GPX6: variants seen among roughly 807,000 people sequenced by gnomAD.
GPX6 encodes glutathione peroxidase 6 (olfactory).
A neutral mutation model predicts 20.0 loss-of-function variants in GPX6; 21 were observed. The observed-to-expected ratio is 1.05, with a 90% CI of 0.74 to 1.51. GPX6 has a LOEUF of 1.51. GPX6 is among the 40% of genes most tolerant of loss of function. GPX6 has a pLI of 0.00. For synonymous variants in GPX6, 75 were observed against 98.0 expected (o/e 0.77, Z 1.38); for missense variants, 233 against 254.7 (o/e 0.91, Z 0.58).
chr6:28,504,433 C>T lies in GPX6; in HGVS notation c.525G>A (p.Lys175=), dbSNP rs1393541958. The T allele has an allele frequency of 1.2e-6, 2 of 1,614,156 alleles. No individual in the cohort carries two copies. The highest frequency in any genetic ancestry group is 1.7e-6 in the Non-Finnish European group (2 of 1,180,046). The stretch of plus-strand genomic sequence containing the variant: ...CAAAGTTCCAGCGGATATCATGGAC[C>T]TTCATGGGCTCCCAGAAGAGTTGGC... ...SSSQLFWEPM[K]VHDIRWNFEK... is the part of the protein sequence containing the mutation. The change falls in exon 5 of 5, where the codon AAG becomes AAA. Residue 175 remains lysine (K), a synonymous_variant. Coordinates refer to ENST00000361902, the MANE Select transcript of GPX6 (RefSeq NM_182701.1).
chr6:28,513,427 G>A (rs576876600), intron 1 of GPX6, among the ~76,000 whole-genome samples: 6 of 152,210 alleles, frequency 3.9e-5, no homozygotes, highest in South Asian at 4.1e-4. Context: ...CTCTGCTCCC[G>A]TACAGGTTTG....
intron 2 of GPX6, among the ~76,000 whole-genome samples, chr6:28,508,072 G>A (rs567343421): frequency 6.5e-4 from 99 of 152,284 alleles, no homozygotes; most frequent in African/African-American, 2.3e-3. Context: ...CTAAAGAGAA[G>A]GGAACATGGC....
chr6:28,504,566 C>T, intron 4 of GPX6, 68 bp from the exon 5 acceptor site: 1 of 1,369,728 alleles, frequency 7.3e-7, no homozygotes, highest in Non-Finnish European at 1.0e-6. Flanking sequence ...CTGTGTGGTA[C>T]AGTTTTATCT....
In GPX6 at chr6:28,510,756, T is replaced by C; in HGVS notation, c.236A>G (p.Tyr79Cys). The C allele has an allele frequency of 6.2e-7, 1 of 1,613,398 alleles. No homozygotes were observed. The change falls in exon 2 of 5, where the codon TAT (tyrosine) becomes TGT (cysteine). Residue 79 changes from tyrosine (Y) to cysteine (C), a missense_variant. By Grantham distance (194) the Tyr-to-Cys change is radical. Transcript: ENST00000361902. Reference sequence around the variant, plus strand: ...GTTGAAACGTGAGTTCTTACCAGGATACTGAGCTGCCAAGCCTCAATAGGC... The same window carrying C: ...GTTGAAACGTGAGTTCTTACCAGGACACTGAGCTGCCAAGCCTCAATAGGC... Reference protein sequence around the residue: ...VAAYUGLAAQYPELNALQEEL... With the variant: ...VAAYUGLAAQCPELNALQEEL...
intron 1 of GPX6, among the ~76,000 whole-genome samples, chr6:28,512,836 C>T (rs1301238126): frequency 2.6e-5 from 4 of 151,536 alleles, no homozygotes; most frequent in African/African-American, 4.9e-5. Flanking sequence ...GCCTTAAGAG[C>T]TGTAACACTG....
chr6:28,506,439 G>C lies in GPX6; in HGVS notation c.242-10C>G, dbSNP rs1268403202. ...TGTAGTGCATTCAGTTCTGTAAGTGGACAATGAATAGCAGGGGTGGGCTGG... is the reference window on the plus strand; with the variant it reads ...TGTAGTGCATTCAGTTCTGTAAGTGCACAATGAATAGCAGGGGTGGGCTGG... On this transcript the variant is annotated splice_polypyrimidine_tract_variant and intron_variant, in intron 2 of 4. Coordinates refer to ENST00000361902, the MANE Select transcript of GPX6 (RefSeq NM_182701.1). 6.6e-7 allele frequency: 1 copy of C among 1,526,358 alleles called. No individual in the cohort carries two copies. Among genetic ancestry groups the C allele is most frequent in the East Asian group, 2.2e-5 (1 of 44,522 alleles). The allele number at this position is 1,526,358 out of a possible 1,614,324, so 94.6% of individuals were successfully genotyped here. A position where few individuals can be genotyped will look rare whatever the true frequency, so the allele number is the denominator to read the frequency against.
intron 1 of GPX6, among the ~76,000 whole-genome samples, chr6:28,513,412 T>TCC (rs1562002715): frequency 6.6e-6 from 1 of 151,748 alleles, no homozygotes; most frequent in Non-Finnish European, 1.5e-5. Flanking sequence ...GTTTGTATGC[T>TCC]CCCCCTCTGC....
At position 28,504,261 on chromosome 6, in the gene GPX6, G is replaced by A. The variant is rs2113596325; in HGVS notation, c.*31C>T. On this transcript the variant is annotated 3_prime_UTR_variant, in exon 5 of 5. Coordinates refer to ENST00000361902, the MANE Select transcript of GPX6 (RefSeq NM_182701.1). ...AGACATTCCTGCAGGTGGGAGACAG[G>A]GTAGTTATTTCTGTCAGTCGCTAGC... The A allele has an allele frequency of 6.3e-7, 1 of 1,579,944 alleles. No homozygotes were observed. The highest frequency in any genetic ancestry group is 8.7e-7 in the Non-Finnish European group (1 of 1,149,386).
Position 28,504,640 on chromosome 6 carries a change from A to G in GPX6, c.460-142T>C, listed in dbSNP as rs541428371. The G allele has an allele frequency of 7.3e-5, 51 of 703,188 alleles. No individual in the cohort carries two copies. The African/African-American group carries it at 7.9e-4, about 11-fold the overall frequency. The allele number at this position is 703,188 out of a possible 1,614,324, so 43.6% of individuals were successfully genotyped here. ...ATATTAACTACTTTGCATGCTTCCA[A>G]TCAACCACAGACACTGCAATGTATC... On this transcript the variant is annotated intron_variant, in intron 4 of 4. Transcript: ENST00000361902.
chr6:28,504,540 T>G (rs1246901153), intron 4 of GPX6, 42 bp from the exon 5 acceptor site: 1 of 1,546,994 alleles, frequency 6.5e-7, no homozygotes, highest in Non-Finnish European at 8.9e-7. Flanking sequence ...CATTTATTTC[T>G]ACTTTATTTC....
In GPX6 at chr6:28,504,091, C is replaced by T; in HGVS notation, c.*201G>A. ...GCATATACCAACAAATACAATTCTA[C>T]ATATCCATACACACACACACACACA... On this transcript the variant is annotated 3_prime_UTR_variant, in exon 5 of 5. Coordinates refer to ENST00000361902, the MANE Select transcript of GPX6 (RefSeq NM_182701.1). 1 of 571,646 alleles carries T rather than the reference C, an allele frequency of 1.7e-6. No homozygotes were observed. Among genetic ancestry groups the T allele is most frequent in the Non-Finnish European group, 3.1e-6 (1 of 324,366 alleles). 35.4% of individuals were successfully genotyped at this position (571,646 alleles called of 1,614,324 possible).
chr6:28,510,667 T>C (rs1039211046), intron 2 of GPX6, 84 bp downstream of exon 2: 2 of 1,412,260 alleles, frequency 1.4e-6, no homozygotes, highest in Admixed American at 3.6e-5. Context: ...CATCCTCCAA[T>C]AACACATTGG....
At position 28,504,348 on chromosome 6, in the gene GPX6, C is replaced by A. The variant is rs762856267; in HGVS notation, c.610G>T (p.Val204Phe). 1 of 1,614,068 alleles carries A rather than the reference C, an allele frequency of 6.2e-7. No homozygotes were observed. The highest frequency in any genetic ancestry group is 1.3e-5 in the African/African-American group (1 of 74,916). ...AGGATGTCTGACTTGACTGTGCTGACTGGAGCCTGGTGGAACCAATGCATG... is the reference window on the plus strand; with the variant it reads ...AGGATGTCTGACTTGACTGTGCTGAATGGAGCCTGGTGGAACCAATGCATG... ...PVMHWFHQAP[V>F]STVKSDILEY... The change falls in exon 5 of 5, where the codon GTC becomes TTC. Residue 204 changes from valine (V) to phenylalanine (F), a missense_variant. Val to Phe is a conservative substitution (Grantham distance 50). Transcript: ENST00000361902.
chr6:28,509,742 A>G (rs1452216253), intron 2 of GPX6, among the ~76,000 whole-genome samples: 1 of 152,222 alleles, frequency 6.6e-6, no homozygotes, highest in Non-Finnish European at 1.5e-5. Context: ...CTCTTCTCCA[A>G]TAAGGGCACA....
chr6:28,507,057 T>G (rs530569135), intron 2 of GPX6, among the ~76,000 whole-genome samples: 21 of 152,264 alleles, frequency 1.4e-4, no homozygotes, highest in Admixed American at 5.9e-4. Flanking sequence ...GTGACCTAAC[T>G]GATGCTGCAA....
rs1306407459 is a variant in GPX6 at position 28,515,761 on chromosome 6, G to A, written c.-18C>T. On this transcript the variant is annotated 5_prime_UTR_variant, in exon 1 of 5. Transcript: ENST00000361902. The stretch of plus-strand genomic sequence containing the variant: ...TGGAACATGGCTAGGAGTTTTAGAC[G>A]ACTCTGAGGTCCCCAGGATTTCAGC... The A allele has an allele frequency of 3.1e-6, 5 of 1,597,896 alleles. No individual in the cohort carries two copies. The highest frequency in any genetic ancestry group is 2.7e-5 in the African/African-American group (2 of 74,266).
At chr6:28,509,244 G>A (rs1762836925) in intron 2 of GPX6, among the ~76,000 whole-genome samples, 2 of 152,042 alleles carry the variant, frequency 1.3e-5, no homozygotes, top group Non-Finnish European at 2.9e-5. Context: ...TATAGACCAG[G>A]TGCGGTGGCT....
intron 1 of GPX6, among the ~76,000 whole-genome samples, chr6:28,512,032 G>A (rs1273140086): frequency 1.3e-5 from 2 of 152,354 alleles, no homozygotes; most frequent in East Asian, 3.9e-4. Flanking sequence ...CCGCGGGGCA[G>A]GGCTTGGGAC....
chr6:28,508,264 A>C (rs1208147241), intron 2 of GPX6, among the ~76,000 whole-genome samples: 2 of 152,214 alleles, frequency 1.3e-5, no homozygotes, highest in Non-Finnish European at 2.9e-5. Flanking sequence ...CATATTTTTC[A>C]AATTTAACTT....
Sources: allele counts gnomAD v4.1 joint callset (sites outside exome capture counted in the v4.1 genomes callset), GRCh38; gene constraint gnomAD v4.1.1; transcripts MANE v1.5; gene names NCBI Gene and HGNC (gene_info 2026-07-23, HGNC 2026-07-21).